SUPT3H: variants seen among roughly 807,000 people sequenced by gnomAD.
SUPT3H encodes transcription initiation protein SPT3 homolog.
Under a neutral mutation model 44.3 loss-of-function variants are expected in SUPT3H, and 44 were observed. The observed-to-expected ratio is 0.99, with a 90% CI of 0.78 to 1.28. The LOEUF (loss-of-function observed/expected upper bound fraction) is 1.28. Ranked by LOEUF, SUPT3H falls within the 50% of genes most tolerant of loss-of-function variation. The pLI is 0.00. For missense variants in SUPT3H, 380 were observed against 387.1 expected (o/e 0.98, Z 0.15); for synonymous variants, 124 against 125.6 (o/e 0.99, Z 0.09).
intron 2 of SUPT3H, among the ~76,000 whole-genome samples, chr6:45,303,137 T>G (rs897786760): frequency 1.3e-5 from 2 of 152,232 alleles, no homozygotes; most frequent in South Asian, 4.1e-4. Flanking sequence ...ATCAAGGACT[T>G]AAATATAAAA....
intron 2 of SUPT3H, among the ~76,000 whole-genome samples, chr6:45,324,841 C>T (rs796460094): frequency 1.3e-5 from 2 of 151,856 alleles, no homozygotes; most frequent in South Asian, 4.1e-4. Flanking sequence ...CAAAACAATG[C>T]CTTGTATACA....
chr6:45,015,507 A>G (rs1303014167), intron 4 of SUPT3H, among the ~76,000 whole-genome samples: 3 of 152,058 alleles, frequency 2.0e-5, no homozygotes, highest in East Asian at 1.9e-4. Flanking sequence ...GCTATTGCAG[A>G]CTTTATTTTT....
At position 45,094,676 on chromosome 6, in the gene SUPT3H, CTTA is replaced by C. The variant is rs372545076; in HGVS notation, c.186+11243_186+11245del. 2.6e-3 allele frequency among the ~76,000 whole-genome samples: 392 copies of C among 151,908 alleles called. 3 individuals carry two copies. The highest frequency in any genetic ancestry group is 8.6e-3 in the African/African-American group (358 of 41,432). On this transcript the variant is annotated intron_variant, in intron 3 of 10. Transcript: ENST00000371459. Reference sequence around the variant, plus strand: ...AAAACTAAGTATCAGTCAATAGTTACTTATTATTTTTTTAAAAAGACAATTGTA... The same window carrying C: ...AAAACTAAGTATCAGTCAATAGTTACTTATTTTTTTAAAAAGACAATTGTA...
At position 44,911,808 on chromosome 6, in the gene SUPT3H, T is replaced by C. The variant is rs581216; in HGVS notation, c.912+20845A>G. 4.5e-4 allele frequency among the ~76,000 whole-genome samples: 68 copies of C among 152,278 alleles called. No homozygotes were observed. In the East Asian group the frequency reaches 0.011, roughly 26 times the overall value. On this transcript the variant is annotated intron_variant, in intron 10 of 10. Transcript: ENST00000371459. ...CAACTGCTGTGGATACTGTGTTAAT[T>C]TGTGAGCATATTTGGAACCTTGAAT...
At chr6:45,070,739 CAAAAAAAA>C (rs11393241) in intron 3 of SUPT3H, among the ~76,000 whole-genome samples, 2 of 102,846 alleles carry the variant, frequency 1.9e-5, no homozygotes, top group African/African-American at 3.8e-5. Context: ...CTGTCTCAAA[CAAAAAAAA>C]AAAAAAAAAA....
At chr6:45,275,509 A>AAAGAATG (rs1776871441) in intron 2 of SUPT3H, among the ~76,000 whole-genome samples, 1 of 152,220 alleles carries the variant, frequency 6.6e-6, no homozygotes, top group South Asian at 2.1e-4. Flanking sequence ...AAAGACAGGA[A>AAAGAATG]AAGAATGAAG....
intron 9 of SUPT3H, among the ~76,000 whole-genome samples, chr6:44,944,341 A>G (rs1223574558): frequency 6.6e-6 from 1 of 152,160 alleles, no homozygotes; most frequent in African/African-American, 2.4e-5. Flanking sequence ...CCAAAAGAAG[A>G]CAGGAAAGAG....
At chr6:45,097,604 T>TA (rs1435148701) in intron 3 of SUPT3H, 1 of 152,208 alleles carries the variant, frequency 6.6e-6, no homozygotes, top group Admixed American at 6.5e-5. Flanking sequence ...GATCCACTGT[T>TA]ACAATTACAG....
chr6:45,355,088 C>A (rs1298368944), intron 2 of SUPT3H, among the ~76,000 whole-genome samples: 1 of 151,666 alleles, frequency 6.6e-6, no homozygotes, highest in African/African-American at 2.4e-5. Context: ...AATCCTTCCA[C>A]CTCAGCCTCC....
intron 2 of SUPT3H, among the ~76,000 whole-genome samples, chr6:45,137,231 G>A (rs1804436331): frequency 6.6e-6 from 1 of 151,990 alleles, no homozygotes; most frequent in African/African-American, 2.4e-5. Flanking sequence ...GTTGCTAGAG[G>A]ACCTACCTTG....
chr6:44,827,534 T>C lies in SUPT3H; in HGVS notation c.*2282A>G, dbSNP rs1012462600. On this transcript the variant is annotated 3_prime_UTR_variant, in exon 11 of 11. Coordinates refer to ENST00000371459, the MANE Select transcript of SUPT3H (RefSeq NM_003599.4). Reference sequence around the variant, plus strand: ...TTTTCATTTGCAAGATGAGCAGCTGTTCTTAATGATCTCTAAGACTATCTT... The same window carrying C: ...TTTTCATTTGCAAGATGAGCAGCTGCTCTTAATGATCTCTAAGACTATCTT... 6.6e-6 allele frequency among the ~76,000 whole-genome samples: 1 copy of C among 152,126 alleles called. No homozygotes were observed. Among genetic ancestry groups the C allele is most frequent in the African/African-American group, 2.4e-5 (1 of 41,450 alleles).
intron 2 of SUPT3H, among the ~76,000 whole-genome samples, chr6:45,156,747 T>G (rs936454795): frequency 1.3e-5 from 2 of 151,424 alleles, no homozygotes; most frequent in African/African-American, 2.4e-5. Flanking sequence ...GGTTTTCTCT[T>G]AATATATATA....
chr6:45,214,015 C>CAAAAAAAAAAAAAAAAAAA (rs11418358), intron 2 of SUPT3H, among the ~76,000 whole-genome samples: 1 of 74,120 alleles, frequency 1.3e-5, no homozygotes, highest in Non-Finnish European at 2.4e-5. Context: ...TTTTGAAATG[C>CAAAAAAAAAAAAAAAAAAA]AAAAAAAAAA....
chr6:45,328,860 C>T, intron 2 of SUPT3H: 1 of 1,441,134 alleles, frequency 6.9e-7, no homozygotes, highest in Non-Finnish European at 9.8e-7. Flanking sequence ...TGATAAACTG[C>T]TAGCTTTTCC....
At chr6:45,204,882 T>A (rs1762989791) in intron 2 of SUPT3H, among the ~76,000 whole-genome samples, 1 of 152,160 alleles carries the variant, frequency 6.6e-6, no homozygotes, top group South Asian at 2.1e-4. Flanking sequence ...TCATTCTCAC[T>A]ATTGTCAGTT....
intron 2 of SUPT3H, among the ~76,000 whole-genome samples, chr6:45,110,153 C>T (rs1562478400): frequency 6.6e-6 from 1 of 152,150 alleles, no homozygotes; most frequent in African/African-American, 2.4e-5. Context: ...TGGGGCGGAG[C>T]AACTTACACC....
At chr6:45,060,376 T>A (rs968990176) in intron 3 of SUPT3H, among the ~76,000 whole-genome samples, 1 of 152,088 alleles carries the variant, frequency 6.6e-6, no homozygotes, top group South Asian at 2.1e-4. Context: ...TAAATGGTGC[T>A]GGGAGAACTG....
At chr6:45,048,871 C>T (rs951767450) in intron 3 of SUPT3H, among the ~76,000 whole-genome samples, 1 of 151,802 alleles carries the variant, frequency 6.6e-6, no homozygotes, top group Non-Finnish European at 1.5e-5. Flanking sequence ...ATGATGGTTA[C>T]CAGGAGCTGA....
intron 10 of SUPT3H, among the ~76,000 whole-genome samples, chr6:44,916,607 G>A (rs1013121236): frequency 6.6e-6 from 1 of 152,150 alleles, no homozygotes; most frequent in African/African-American, 2.4e-5. Context: ...ATTTTTTGAA[G>A]GCTATAAAGA....
Sources: allele counts gnomAD v4.1 joint callset (sites outside exome capture counted in the v4.1 genomes callset), GRCh38; gene constraint gnomAD v4.1.1; transcripts MANE v1.5; gene names NCBI Gene and HGNC (gene_info 2026-07-23, HGNC 2026-07-21).